The following ITPRIP variants were observed in gnomAD, a reference collection of about 807,000 sequenced individuals.
The protein encoded by ITPRIP is inositol 1,4,5-trisphosphate receptor-interacting protein.
Under a neutral mutation model 35.8 loss-of-function variants are expected in ITPRIP, and 32 were observed. The observed-to-expected ratio is 0.89, with a 90% CI of 0.68 to 1.20. ITPRIP has a LOEUF of 1.20. Among genes scored for constraint, ITPRIP ranks in the 50% most tolerant of loss-of-function variants. The probability of loss-of-function intolerance (pLI) is 0.00; values close to 1 mark genes in which losing one functional copy is unlikely to be tolerated. For missense variants in ITPRIP, 653 were observed against 735.6 expected (o/e 0.89, Z 1.30); for synonymous variants, 358 against 324.0 (o/e 1.11, Z -1.13).
Position 104,315,442 on chromosome 10 carries a change from T to C in ITPRIP, c.610A>G (p.Arg204Gly), listed in dbSNP as rs1003436179. ...DSMYENWQVDRPLLCHLFVPF... is the reference protein window; with the variant it reads ...DSMYENWQVDGPLLCHLFVPF... ...ACGAAAAGGTGGCACAGCAGTGGCC[T>C]GTCCACCTGCCAGTTCTCGTACATG... The change falls in exon 2 of 2, where the codon AGG (arginine) becomes GGG (glycine). Residue 204 changes from arginine to glycine, a missense_variant. Arg to Gly is a moderately radical substitution (Grantham distance 125). Coordinates refer to ENST00000337478, the MANE Select transcript of ITPRIP (RefSeq NM_001272013.2). The surrounding 1 kb of genome is among the most constrained non-coding windows in gnomAD (Gnocchi z 5.7). 6.2e-6 allele frequency: 10 copies of C among 1,607,924 alleles called. No homozygotes were observed. Among genetic ancestry groups the C allele is most frequent in the East Asian group, 2.2e-5 (1 of 44,786 alleles).
chr10:104,321,827 A>G (rs983786784), intron 1 of ITPRIP, among the ~76,000 whole-genome samples: 1 of 151,778 alleles, frequency 6.6e-6, no homozygotes. Flanking sequence ...TAGAAAAGCC[A>G]TAGCTGGGCT....
At position 104,315,434 on chromosome 10, in the gene ITPRIP, C is replaced by A. The variant is rs752693883; in HGVS notation, c.618G>T (p.Leu206=). Residue 206 remains leucine (L), a synonymous_variant, in exon 2 of 2, where the codon CTG becomes CTT. Transcript: ENST00000337478. The surrounding 1 kb of genome is among the most constrained non-coding windows in gnomAD (Gnocchi z 5.7). ...MYENWQVDRP[L]LCHLFVPFTP... ...TGAAGGGCACGAAAAGGTGGCACAGCAGTGGCCTGTCCACCTGCCAGTTCT... is the reference window on the plus strand; with the variant it reads ...TGAAGGGCACGAAAAGGTGGCACAGAAGTGGCCTGTCCACCTGCCAGTTCT... 6.2e-7 allele frequency: 1 copy of A among 1,604,290 alleles called. No individual in the cohort carries two copies. The highest frequency in any genetic ancestry group is 8.5e-7 in the Non-Finnish European group (1 of 1,173,624).
rs1445958599 is a variant in ITPRIP, at chr10:104,311,363, T to C, written c.*3045A>G. 2 of 152,224 alleles carry C rather than the reference T, an allele frequency of 1.3e-5. No individual in the cohort carries two copies. Among genetic ancestry groups the C allele is most frequent in the African/African-American group, 4.8e-5 (2 of 41,442 alleles). 9.4% of individuals were successfully genotyped at this position (152,224 alleles called of 1,614,324 possible). A position where few individuals can be genotyped will look rare whatever the true frequency, so the allele number is the denominator to read the frequency against. Reference sequence around the variant, plus strand: ...AAGAAAGTGAGAGGGCTTCCTCAGCTAGGGGTACCATCAGTCACTTGGGGG... The same window carrying C: ...AAGAAAGTGAGAGGGCTTCCTCAGCCAGGGGTACCATCAGTCACTTGGGGG... On this transcript the variant is annotated 3_prime_UTR_variant, in exon 2 of 2. Transcript: ENST00000337478.
chr10:104,321,702 TC>T (rs893756685), intron 1 of ITPRIP, among the ~76,000 whole-genome samples: 1 of 150,572 alleles, frequency 6.6e-6, no homozygotes, highest in Non-Finnish European at 1.5e-5. Flanking sequence ...TCTTTTCTTT[TC>T]TTTTTTTTTT....
At position 104,313,121 on chromosome 10, in the gene ITPRIP, G is replaced by T; in HGVS notation, c.*1287C>A. The T allele has an allele frequency of 1.0e-6, 1 of 985,498 alleles. No homozygotes were observed. The allele number at this position is 985,498 out of a possible 1,614,324, so 61.0% of individuals were successfully genotyped here. A position where few individuals can be genotyped will look rare whatever the true frequency, so the allele number is the denominator to read the frequency against. On this transcript the variant is annotated 3_prime_UTR_variant, in exon 2 of 2. Transcript: ENST00000337478. Reference sequence around the variant, plus strand: ...TGTGCAGTGAGGGAGCCCCGCTGGAGTGAGGAACTAGGGGCTCAGAGCCTG... The same window carrying T: ...TGTGCAGTGAGGGAGCCCCGCTGGATTGAGGAACTAGGGGCTCAGAGCCTG...
rs563061498 is a variant in ITPRIP, at chr10:104,310,501, C to T, written c.*3907G>A. 16 of 152,256 alleles carry T rather than the reference C, an allele frequency of 1.1e-4. No individual in the cohort carries two copies. In the East Asian group the frequency reaches 3.1e-3, roughly 29 times the overall value. The allele number at this position is 152,256 out of a possible 1,614,324, so 9.4% of individuals were successfully genotyped here. On this transcript the variant is annotated 3_prime_UTR_variant, in exon 2 of 2. Coordinates refer to ENST00000337478, the MANE Select transcript of ITPRIP (RefSeq NM_001272013.2). ...GCTACGACTTCTCAGTATATGCCAACATGTACACCAGGACTGCCTGGGTTG... is the reference window on the plus strand; with the variant it reads ...GCTACGACTTCTCAGTATATGCCAATATGTACACCAGGACTGCCTGGGTTG...
intron 1 of ITPRIP, among the ~76,000 whole-genome samples, chr10:104,337,641 C>T (rs942137866): frequency 2.0e-5 from 3 of 152,026 alleles, no homozygotes; most frequent in African/African-American, 7.3e-5. Context: ...TTATTTGCAG[C>T]CCAAGAGCAA....
chr10:104,329,003 G>GGGGAGA (rs2014093541), intron 1 of ITPRIP: 1 of 152,502 alleles, frequency 6.6e-6, no homozygotes, highest in Non-Finnish European at 1.5e-5. Context: ...AGAGCGGGGA[G>GGGGAGA]GGGAGAGGAA....
Position 104,314,674 on chromosome 10 carries a change from C to G in ITPRIP, c.1378G>C (p.Glu460Gln), listed in dbSNP as rs1005019805. 1 of 1,613,800 alleles carries G rather than the reference C, an allele frequency of 6.2e-7. No individual in the cohort carries two copies. Among genetic ancestry groups the G allele is most frequent in the Non-Finnish European group, 8.5e-7 (1 of 1,179,960 alleles). Reference protein sequence around the residue: ...KAGQLDARLHELLCFLEKSLL... With the variant: ...KAGQLDARLHQLLCFLEKSLL... ...CTCTTCTCCAGGAAGCACAGCAACT[C>G]GTGCAGACGAGCGTCCAGCTGCCCC... The change falls in exon 2 of 2, where the codon GAG becomes CAG. Residue 460 changes from glutamate (E) to glutamine (Q), a missense_variant. Physicochemically the swap from Glu to Gln is conservative, Grantham distance 29. Transcript: ENST00000337478.
chr10:104,313,943 C>T lies in ITPRIP; in HGVS notation c.*465G>A, dbSNP rs1589885285. The T allele has an allele frequency of 1.0e-6, 1 of 991,084 alleles. No individual in the cohort carries two copies. The highest frequency in any genetic ancestry group is 1.2e-6 in the Non-Finnish European group (1 of 833,542). 61.4% of individuals were successfully genotyped at this position (991,084 alleles called of 1,614,324 possible). On this transcript the variant is annotated 3_prime_UTR_variant, in exon 2 of 2. Coordinates refer to ENST00000337478, the MANE Select transcript of ITPRIP (RefSeq NM_001272013.2). ...TCTGTCCCTGTTAGTGCTTTGGCTG[C>T]AGATGGTCAGGCCAGAAGCTCCTGG...
At chr10:104,323,228 C>CA (rs2013901655) in intron 1 of ITPRIP, 1 of 152,170 alleles carries the variant, frequency 6.6e-6, no homozygotes, top group Non-Finnish European at 1.5e-5. Context: ...TTTACATGAC[C>CA]AGCCATTTAG....
chr10:104,321,850 C>A (rs1479794384), intron 1 of ITPRIP, among the ~76,000 whole-genome samples: 1 of 152,216 alleles, frequency 6.6e-6, no homozygotes, highest in East Asian at 1.9e-4. Flanking sequence ...GATTCAAGCT[C>A]ATTCTGTCTG....
At chr10:104,336,153 A>G (rs1347015368) in intron 1 of ITPRIP, among the ~76,000 whole-genome samples, 3 of 152,208 alleles carry the variant, frequency 2.0e-5, no homozygotes, top group African/African-American at 7.2e-5. Flanking sequence ...CCTCTTGCCA[A>G]GACAGAGCAC....
At chr10:104,324,239 T>C (rs276227) in intron 1 of ITPRIP, among the ~76,000 whole-genome samples, 61,413 of 151,982 alleles carry the variant, frequency 0.4, 14,703 homozygotes, top group African/African-American at 0.68. Flanking sequence ...AGGGCTTTGC[T>C]CCAGCAAGTG....
Position 104,333,003 on chromosome 10 carries a change from G to A in ITPRIP, c.-14+5243C>T, listed in dbSNP as rs1233442703. 2.0e-5 allele frequency among the ~76,000 whole-genome samples: 3 copies of A among 152,250 alleles called. No individual in the cohort carries two copies. The highest frequency in any genetic ancestry group is 2.9e-5 in the Non-Finnish European group (2 of 68,042). On this transcript the variant is annotated intron_variant, in intron 1 of 1. Coordinates refer to ENST00000337478, the MANE Select transcript of ITPRIP (RefSeq NM_001272013.2). This position sits in a 1 kb window ranked among gnomAD's most constrained non-coding sequence, Gnocchi z 4.1. ...GATACACAATGGCTGCTCGATCAAT[G>A]AAGCCCCCGTAATAAGGATGTGAGC...
chr10:104,329,668 G>A (rs11192008), intron 1 of ITPRIP, among the ~76,000 whole-genome samples: 43,041 of 151,934 alleles, frequency 0.28, 6,291 homozygotes, highest in Middle Eastern at 0.33. Flanking sequence ...GCTAAGAAGA[G>A]CTTAACAGTT....
chr10:104,323,857 C>T (rs2013918567), intron 1 of ITPRIP: 1 of 152,828 alleles, frequency 6.5e-6, no homozygotes, highest in Admixed American at 6.5e-5. Flanking sequence ...CCTATCTCAC[C>T]CTTCCTGGAA....
In ITPRIP at chr10:104,336,499, G is replaced by T. The variant is rs528925382; in HGVS notation, c.-14+1747C>A. Among the ~76,000 whole-genome samples the T allele has an allele frequency of 9.9e-5, 15 of 151,246 alleles. No homozygotes were observed. In the South Asian group the frequency reaches 2.5e-3, roughly 25 times the overall value. On this transcript the variant is annotated intron_variant, in intron 1 of 1. Coordinates refer to ENST00000337478, the MANE Select transcript of ITPRIP (RefSeq NM_001272013.2). ...CCTGCCCAGTTATTTTTTTTTGGGG[G>T]GGGGGGGGCAGCGGGGCATTGGGGG...
chr10:104,313,858 T>A lies in ITPRIP; in HGVS notation c.*550A>T. 1 of 985,768 alleles carries A rather than the reference T, an allele frequency of 1.0e-6. No individual in the cohort carries two copies. Among genetic ancestry groups the A allele is most frequent in the Non-Finnish European group, 1.2e-6 (1 of 830,214 alleles). 61.1% of individuals were successfully genotyped at this position (985,768 alleles called of 1,614,324 possible). ...CTTTTCTCCAAATAGTATAAAAAAG[T>A]GGCAGCCATGGTGGGACCACTATTG... On this transcript the variant is annotated 3_prime_UTR_variant, in exon 2 of 2. Coordinates refer to ENST00000337478, the MANE Select transcript of ITPRIP (RefSeq NM_001272013.2).
Sources: allele counts gnomAD v4.1 joint callset (sites outside exome capture counted in the v4.1 genomes callset), GRCh38; gene constraint gnomAD v4.1.1; non-coding constraint Gnocchi (gnomAD v3.1); transcripts MANE v1.5; gene names NCBI Gene and HGNC (gene_info 2026-07-23, HGNC 2026-07-21).